PRUNE2: variants seen among roughly 807,000 people sequenced by gnomAD.
PRUNE2 encodes prune homolog 2 with BCH domain.
Under a neutral mutation model 252.0 loss-of-function variants are expected in PRUNE2, and 164 were observed. That is an observed-to-expected ratio of 0.65 (90% CI 0.57 to 0.74). The LOEUF (loss-of-function observed/expected upper bound fraction) is 0.74, where lower values mean the gene tolerates loss of function less well. Among genes scored for constraint, PRUNE2 ranks in the 30% least tolerant of loss-of-function variants. The pLI is 0.00. For missense variants in PRUNE2, 3,495 were observed against 3,711.0 expected (o/e 0.94, Z 1.51); for synonymous variants, 1,292 against 1,350.2 (o/e 0.96, Z 0.94).
chr9:76,897,419 T>C (rs2062900086), intron 1 of PRUNE2, among the ~76,000 whole-genome samples: 1 of 119,884 alleles, frequency 8.3e-6, no homozygotes, highest in Admixed American at 8.3e-5. Flanking sequence ...TTTTTTTTTT[T>C]TTTTTTTTGA....
In PRUNE2 at chr9:76,813,853, G is replaced by A. The variant is rs372153373; in HGVS notation, c.756+9779C>T. 3.2e-4 allele frequency among the ~76,000 whole-genome samples: 49 copies of A among 152,246 alleles called. No individual in the cohort carries two copies. In the East Asian group the frequency reaches 7.0e-3, roughly 22 times the overall value. On this transcript the variant is annotated intron_variant, in intron 6 of 18. Transcript: ENST00000376718. Reference sequence around the variant, plus strand: ...TTTATATGAGACAGAGTCTCTCTCTGTCACCCAGGCTGGAGTGCAATGGCA... The same window carrying A: ...TTTATATGAGACAGAGTCTCTCTCTATCACCCAGGCTGGAGTGCAATGGCA...
intron 11 of PRUNE2, among the ~76,000 whole-genome samples, chr9:76,646,231 A>G (rs908876746): frequency 1.3e-5 from 2 of 152,206 alleles, no homozygotes; most frequent in African/African-American, 4.8e-5. Flanking sequence ...AGAGCACTCA[A>G]AAACAATTGG....
At chr9:76,833,985 C>T (rs956748834) in intron 4 of PRUNE2, among the ~76,000 whole-genome samples, 15 of 150,600 alleles carry the variant, frequency 1.0e-4, no homozygotes, top group African/African-American at 3.2e-4. Context: ...CAAGTTCAAG[C>T]GATTCTCCTG....
At chr9:76,805,221 G>T (rs866653030) in intron 6 of PRUNE2, among the ~76,000 whole-genome samples, 1 of 152,210 alleles carries the variant, frequency 6.6e-6, no homozygotes, top group African/African-American at 2.4e-5. Flanking sequence ...GCATGCAAGT[G>T]AGGCCACCCT....
chr9:76,691,252 TATG>T (rs2134448275), intron 9 of PRUNE2, among the ~76,000 whole-genome samples: 1 of 152,310 alleles, frequency 6.6e-6, no homozygotes, highest in East Asian at 1.9e-4. Flanking sequence ...GGATGGAGAT[TATG>T]CCCCCTTTCC....
chr9:76,724,387 T>C (rs564332333), intron 6 of PRUNE2, among the ~76,000 whole-genome samples: 3 of 75,700 alleles, frequency 4.0e-5, no homozygotes, highest in East Asian at 1.0e-3. Flanking sequence ...GATGGGAGGA[T>C]TGGTTGAGCC....
intron 6 of PRUNE2, among the ~76,000 whole-genome samples, chr9:76,820,994 A>G (rs2058008936): frequency 6.6e-6 from 1 of 152,200 alleles, no homozygotes; most frequent in Non-Finnish European, 1.5e-5. Context: ...GAAGAGAGAG[A>G]GAAGTCAGAT....
At position 76,707,163 on chromosome 9, in the gene PRUNE2, A is replaced by G; in HGVS notation, c.5111T>C (p.Val1704Ala). The stretch of plus-strand genomic sequence containing the variant: ...ATCCTCAGCAACGTGGCAGTTGGCC[A>G]CCTGGATCTCTTCCTCTATTGACTC... Reference protein sequence around the residue: ...GEESIEEEIQVANCHVAEDES... With the variant: ...GEESIEEEIQAANCHVAEDES... The change falls in exon 8 of 19, where the codon GTG (valine) becomes GCG (alanine). Residue 1704 changes from valine to alanine, a missense_variant. Coordinates refer to ENST00000376718, the MANE Select transcript of PRUNE2 (RefSeq NM_015225.3). 6.2e-7 allele frequency: 1 copy of G among 1,613,954 alleles called. No individual in the cohort carries two copies. The highest frequency in any genetic ancestry group is 8.5e-7 in the Non-Finnish European group (1 of 1,179,876).
chr9:76,889,201 C>T (rs2062304655), intron 1 of PRUNE2, among the ~76,000 whole-genome samples: 1 of 152,080 alleles, frequency 6.6e-6, no homozygotes, highest in South Asian at 2.1e-4. Flanking sequence ...TGTGAAGTCA[C>T]AAGGCCCTGT....
rs1270829919 is a variant in PRUNE2 at position 76,704,731 on chromosome 9, TTGGAAGTGGAAGAATGGAA to T, written c.7513+11_7513+29del. 1 of 1,432,298 alleles carries T rather than the reference TTGGAAGTGGAAGAATGGAA, an allele frequency of 7.0e-7. No homozygotes were observed. The highest frequency in any genetic ancestry group is 2.2e-5 in the Admixed American group (1 of 45,206). 88.7% of individuals were successfully genotyped at this position (1,432,298 alleles called of 1,614,324 possible). On this transcript the variant is annotated intron_variant, in intron 8 of 18. Coordinates refer to ENST00000376718, the MANE Select transcript of PRUNE2 (RefSeq NM_015225.3). ...CTAGTTTAATCAACGCAGCAGTTTC[TTGGAAGTGGAAGAATGGAA>T]TGTTTCTTACCATTTGGTGGTCCTA... is the stretch of plus-strand genomic sequence containing the variant.
At chr9:76,652,798 C>T (rs1045726657) in intron 10 of PRUNE2, 115 bp from the exon 11 acceptor site, 8 of 703,764 alleles carry the variant, frequency 1.1e-5, no homozygotes, top group African/African-American at 5.3e-5. Flanking sequence ...GCCAACATGA[C>T]GTGTCAAGGA....
rs777835763 is a variant in PRUNE2, at chr9:76,708,231, C to T, written c.4043G>A (p.Gly1348Asp). ...HLDEEEVIAS[G>D]VENASGISEK... ...AGAAATCCCTGAGGCATTCTCCACA[C>T]CAGAGGCGATCACCTCCTCTTCATC... Residue 1348 changes from glycine (G) to aspartate (D), a missense_variant, in exon 8 of 19, where the codon GGT becomes GAT. Gly to Asp is a moderately conservative substitution (Grantham distance 94). Coordinates refer to ENST00000376718, the MANE Select transcript of PRUNE2 (RefSeq NM_015225.3). 2 of 1,613,972 alleles carry T rather than the reference C, an allele frequency of 1.2e-6. No homozygotes were observed. The highest frequency in any genetic ancestry group is 1.7e-6 in the Non-Finnish European group (2 of 1,179,880).
chr9:76,724,773 C>T (rs1051098490), intron 6 of PRUNE2, among the ~76,000 whole-genome samples: 1 of 152,150 alleles, frequency 6.6e-6, no homozygotes, highest in African/African-American at 2.4e-5. Flanking sequence ...TAAGGACAGA[C>T]CCATAATCAG....
At chr9:76,662,645 C>A (rs2039325186) in intron 9 of PRUNE2, among the ~76,000 whole-genome samples, 1 of 152,200 alleles carries the variant, frequency 6.6e-6, no homozygotes, top group Non-Finnish European at 1.5e-5. Context: ...TCCTGACAGA[C>A]ACGGATATCC....
chr9:76,841,677 G>T (rs1315681119), intron 4 of PRUNE2, among the ~76,000 whole-genome samples: 1 of 152,230 alleles, frequency 6.6e-6, no homozygotes, highest in East Asian at 1.9e-4. Flanking sequence ...AAACAAAGCT[G>T]CAGGGAAGTT....
intron 1 of PRUNE2, among the ~76,000 whole-genome samples, chr9:76,855,318 C>T (rs1340272656): frequency 6.6e-6 from 1 of 151,782 alleles, no homozygotes; most frequent in Non-Finnish European, 1.5e-5. Flanking sequence ...ACATACTTTC[C>T]CCACTTTTCA....
At position 76,670,081 on chromosome 9, in the gene PRUNE2, C is replaced by A. The variant is rs768755382; in HGVS notation, c.8277-14579G>T. On this transcript the variant is annotated intron_variant, in intron 9 of 18. Transcript: ENST00000376718. ...GCCGAATAGGAACAGCTCCAGTCTA[C>A]AGCTCCCAGCGTGAGCGACGCAGAA... Among the ~76,000 whole-genome samples the A allele has an allele frequency of 3.9e-5, 6 of 152,290 alleles. No homozygotes were observed. In the South Asian group the frequency reaches 1.2e-3, roughly 32 times the overall value.
chr9:76,877,617 T>A (rs1690035175), intron 1 of PRUNE2, among the ~76,000 whole-genome samples: 1 of 152,130 alleles, frequency 6.6e-6, no homozygotes, highest in African/African-American at 2.4e-5. Flanking sequence ...TACCCAAAAG[T>A]GATCCCCCCA....
rs577391316 is a variant in PRUNE2 at position 76,671,488 on chromosome 9, T to C, written c.8277-15986A>G. Among the ~76,000 whole-genome samples, 5 of 152,132 alleles carry C rather than the reference T, an allele frequency of 3.3e-5. No individual in the cohort carries two copies. The East Asian group carries it at 9.7e-4, about 29-fold the overall frequency. On this transcript the variant is annotated intron_variant, in intron 9 of 18. Transcript: ENST00000376718. ...AGTTGGAAAACACTCTGCAGGATAT[T>C]ATCCAGGAGAATGTCCCCAATCTAG...
Sources: allele counts gnomAD v4.1 joint callset (sites outside exome capture counted in the v4.1 genomes callset), GRCh38; gene constraint gnomAD v4.1.1; transcripts MANE v1.5; gene names NCBI Gene and HGNC (gene_info 2026-07-23, HGNC 2026-07-21).